Variants in PRDM10 observed in about 807,000 individuals in gnomAD.
The protein encoded by PRDM10 is PR/SET domain 10.
A neutral mutation model predicts 133.1 loss-of-function variants in PRDM10; 65 were observed. That is an observed-to-expected ratio of 0.49 (90% CI 0.40 to 0.60). The LOEUF (loss-of-function observed/expected upper bound fraction) is 0.60, where lower values mean the gene tolerates loss of function less well. PRDM10 is among the 20% of genes least tolerant of loss of function. The probability of loss-of-function intolerance (pLI) is 0.00; values close to 1 mark genes in which losing one functional copy is unlikely to be tolerated. For synonymous variants in PRDM10, 582 were observed against 580.4 expected, an observed-to-expected ratio of 1.00 and a Z score of -0.04; for missense variants, 1,137 against 1,507.1, an observed-to-expected ratio of 0.75 and a Z score of 4.07.
rs1949863192 is a variant in PRDM10 at position 129,902,289 on chromosome 11, T to C, written c.*24A>G. 6.2e-7 allele frequency: 1 copy of C among 1,611,712 alleles called. No individual in the cohort carries two copies. The highest frequency in any genetic ancestry group is 8.5e-7 in the Non-Finnish European group (1 of 1,178,392). On this transcript the variant is annotated 3_prime_UTR_variant, in exon 21 of 21. Transcript: ENST00000360871. ...ATGAGAACAGACATGAGGTGGGTGC[T>C]GGATTCAAGCTCCAGGGTGGAAGTC...
At chr11:129,944,519 A>G (rs1218628448) in intron 6 of PRDM10, among the ~76,000 whole-genome samples, 1 of 150,874 alleles carries the variant, frequency 6.6e-6, no homozygotes, top group African/African-American at 2.4e-5. Flanking sequence ...CGGAAGGCGG[A>G]GCTTGCAGTG....
At chr11:129,944,651 G>T in intron 6 of PRDM10, 120 bp downstream of exon 6, 2 of 1,367,280 alleles carry the variant, frequency 1.5e-6, no homozygotes, top group Non-Finnish European at 2.0e-6. Flanking sequence ...AGTTAAGATA[G>T]AAAGAAGAAT....
intron 1 of PRDM10, among the ~76,000 whole-genome samples, chr11:129,984,207 C>T (rs937053645): frequency 3.9e-5 from 6 of 152,330 alleles, no homozygotes; most frequent in Middle Eastern, 3.4e-3. Flanking sequence ...ACTCGCTCAG[C>T]GGAGGTGGCC....
chr11:129,936,919 A>G (rs558952810), intron 8 of PRDM10, among the ~76,000 whole-genome samples: 1 of 152,352 alleles, frequency 6.6e-6, no homozygotes, highest in South Asian at 2.1e-4. Context: ...TTTTACATTC[A>G]TACACTAGAA....
rs562195761 is a variant in PRDM10 at position 129,968,707 on chromosome 11, T to C, written c.-118-7625A>G. ...CAGGACGTAGGACTCAGGAGCCTAG[T>C]GTGCCAGCCTCCACCATCGCCTGCC... is the stretch of plus-strand genomic sequence containing the variant. On this transcript the variant is annotated intron_variant, in intron 1 of 20. Transcript: ENST00000360871. Among the ~76,000 whole-genome samples, 4 of 151,824 alleles carry C rather than the reference T, an allele frequency of 2.6e-5. No homozygotes were observed. In the South Asian group the frequency reaches 8.3e-4, roughly 32 times the overall value.
chr11:129,955,888 G>A (rs79583905), intron 3 of PRDM10, among the ~76,000 whole-genome samples: 2,618 of 152,244 alleles, frequency 0.017, 73 homozygotes, highest in African/African-American at 0.06. Context: ...GAAAACACAA[G>A]AGACATGACA....
At chr11:129,958,056 G>A (rs1951729908) in intron 2 of PRDM10, 146 bp from the exon 3 acceptor site, 1 of 916,530 alleles carries the variant, frequency 1.1e-6, no homozygotes, top group Admixed American at 2.7e-5. Flanking sequence ...ACTAGGGGAG[G>A]ATGCAAGGAC....
intron 7 of PRDM10, among the ~76,000 whole-genome samples, chr11:129,941,522 A>G (rs977895783): frequency 1.3e-5 from 2 of 152,250 alleles, no homozygotes; most frequent in African/African-American, 4.8e-5. Flanking sequence ...AATGAAGTTA[A>G]CCGACATCTT....
rs143364820 is a variant in PRDM10 at position 129,915,986 on chromosome 11, A to G, written c.2326-126T>C. The G allele has an allele frequency of 7.0e-4, 581 of 830,132 alleles. 5 individuals carry two copies. In the African/African-American group the frequency reaches 8.9e-3, roughly 13 times the overall value. 51.4% of individuals were successfully genotyped at this position (830,132 alleles called of 1,614,324 possible). On this transcript the variant is annotated intron_variant, in intron 15 of 20. Coordinates refer to ENST00000360871, the MANE Select transcript of PRDM10 (RefSeq NM_199437.2). ...CATGTAGCCCCAAATAAAATATATTAATATGTATATTAACAGATCTATTGA... is the reference window on the plus strand; with the variant it reads ...CATGTAGCCCCAAATAAAATATATTGATATGTATATTAACAGATCTATTGA...
chr11:129,989,612 T>C (rs1938621398), intron 1 of PRDM10, among the ~76,000 whole-genome samples: 1 of 152,156 alleles, frequency 6.6e-6, no homozygotes, highest in Non-Finnish European at 1.5e-5. Context: ...TACCTATGAC[T>C]CAACAAATCA....
intron 8 of PRDM10, among the ~76,000 whole-genome samples, chr11:129,935,695 A>T (rs1951007327): frequency 6.6e-6 from 1 of 152,172 alleles, no homozygotes; most frequent in Non-Finnish European, 1.5e-5. Flanking sequence ...CAGCAACTCC[A>T]CTCCTACATA....
chr11:129,948,072 G>A, intron 4 of PRDM10: 1 of 456,678 alleles, frequency 2.2e-6, no homozygotes. Context: ...AAAGAGATGA[G>A]GTGCCTGTTT....
chr11:129,982,576 AG>A (rs1938176616), intron 1 of PRDM10, among the ~76,000 whole-genome samples: 1 of 152,202 alleles, frequency 6.6e-6, no homozygotes. Context: ...GTTAAATTTG[AG>A]TAACTTTACA....
intron 1 of PRDM10, among the ~76,000 whole-genome samples, chr11:129,975,697 C>T (rs1036323097): frequency 6.6e-6 from 1 of 152,152 alleles, no homozygotes; most frequent in Non-Finnish European, 1.5e-5. Flanking sequence ...CACACTGACA[C>T]CATTCCCTTC....
At chr11:129,959,672 C>A (rs1951759011) in intron 2 of PRDM10, among the ~76,000 whole-genome samples, 1 of 152,098 alleles carries the variant, frequency 6.6e-6, no homozygotes, top group East Asian at 1.9e-4. Context: ...AAATACATAG[C>A]TGCATGGAAA....
At chr11:129,974,831 T>C (rs1357244900) in intron 1 of PRDM10, among the ~76,000 whole-genome samples, 1 of 152,198 alleles carries the variant, frequency 6.6e-6, no homozygotes, top group Non-Finnish European at 1.5e-5. Flanking sequence ...AGCGGAATAT[T>C]ATTCAGCCTT....
At chr11:129,917,796 TCTA>T (rs1950403299) in intron 14 of PRDM10, among the ~76,000 whole-genome samples, 1 of 152,182 alleles carries the variant, frequency 6.6e-6, no homozygotes, top group African/African-American at 2.4e-5. Context: ...AAAGCTTCCT[TCTA>T]CTGCTGTTTG....
intron 1 of PRDM10, among the ~76,000 whole-genome samples, chr11:129,999,930 C>A (rs1486513652): frequency 6.6e-6 from 1 of 151,912 alleles, no homozygotes. Flanking sequence ...AAGATTATGT[C>A]GTTTGTACAA....
At position 129,957,954 on chromosome 11, in the gene PRDM10, G is replaced by T. The variant is rs115716188; in HGVS notation, c.70-44C>A. 1.9e-3 allele frequency: 2,919 copies of T among 1,560,602 alleles called. 55 individuals are homozygous for T. The African/African-American group carries it at 0.036, about 19-fold the overall frequency. ...AAAGAACAAAATCAGTATCAGGAAG[G>T]TAAGTGATCAACAAGCACACCTGGG... On this transcript the variant is annotated intron_variant, in intron 2 of 20. Transcript: ENST00000360871.
Sources: gnomAD v4.1 joint callset for allele counts (sites outside exome capture counted in the v4.1 genomes callset) on GRCh38, gnomAD v4.1.1 for gene constraint, MANE v1.5 for transcripts, NCBI Gene and HGNC (gene_info 2026-07-23, HGNC 2026-07-21) for gene names.